CCDC178: variants seen among roughly 807,000 people sequenced by gnomAD.
The protein encoded by CCDC178 is coiled-coil domain containing 178, also known as coiled-coil domain-containing protein 178.
In CCDC178, 126 loss-of-function variants were observed where a neutral mutation model predicts 117.4. The ratio of observed to expected loss-of-function variants is 1.07; its 90% CI spans 0.93 to 1.24. CCDC178 has a LOEUF of 1.24. Among genes scored for constraint, CCDC178 ranks in the 50% most tolerant of loss-of-function variants. The probability of loss-of-function intolerance (pLI) is 0.00; values close to 1 mark genes in which losing one functional copy is unlikely to be tolerated. For missense variants in CCDC178, 1,030 were observed against 986.9 expected, an observed-to-expected ratio of 1.04 and a Z score of -0.59; for synonymous variants, 283 against 313.4, an observed-to-expected ratio of 0.90 and a Z score of 1.02.
At chr18:33,134,058 G>T (rs1483382285) in intron 20 of CCDC178, among the ~76,000 whole-genome samples, 1 of 151,556 alleles carries the variant, frequency 6.6e-6, no homozygotes, top group Non-Finnish European at 1.5e-5. Context: ...CAAAAGAAAA[G>T]AAAAAAATTT....
chr18:33,173,947 T>G (rs2058634125), intron 20 of CCDC178, among the ~76,000 whole-genome samples: 1 of 152,192 alleles, frequency 6.6e-6, no homozygotes, highest in African/African-American at 2.4e-5. Flanking sequence ...CAGAGAATAA[T>G]ATTAAGACAC....
chr18:33,101,107 A>C (rs1167685983), intron 20 of CCDC178, among the ~76,000 whole-genome samples: 2 of 151,804 alleles, frequency 1.3e-5, no homozygotes, highest in African/African-American at 2.4e-5. Context: ...GTATTAAATA[A>C]ACTTAAAATT....
chr18:33,317,376 C>T (rs1389393815), intron 11 of CCDC178, among the ~76,000 whole-genome samples: 2 of 152,150 alleles, frequency 1.3e-5, no homozygotes, highest in African/African-American at 4.8e-5. Context: ...AAGGAAGAAA[C>T]TCCGAACACA....
chr18:33,329,124 T>G (rs139308869), intron 10 of CCDC178, among the ~76,000 whole-genome samples: 134 of 152,248 alleles, frequency 8.8e-4, no homozygotes, highest in African/African-American at 3.2e-3. Flanking sequence ...ATAACTGAGC[T>G]TTGTGTGTTG....
chr18:33,213,502 G>A (rs2059130546), intron 19 of CCDC178, among the ~76,000 whole-genome samples: 1 of 151,928 alleles, frequency 6.6e-6, no homozygotes, highest in Non-Finnish European at 1.5e-5. Context: ...CACACAGGAA[G>A]GAGCTAGTGT....
rs963180337 is a variant in CCDC178 at position 33,147,141 on chromosome 18, C to CTT, written c.2239-54233_2239-54232dup. Among the ~76,000 whole-genome samples, 632 of 117,342 alleles carry CTT rather than the reference C, an allele frequency of 5.4e-3. 7 individuals carry two copies. Among genetic ancestry groups the CTT allele is most frequent in the African/African-American group, 0.018 (574 of 31,074 alleles). The allele number at this position is 117,342 out of a possible 152,430, so 77.0% of individuals were successfully genotyped here. ...TTAGGCATTATCTGGTAGCTGATTT[C>CTT]TTTTTTTTTTTTTTTTTTTGTAAGG... On this transcript the variant is annotated intron_variant, in intron 20 of 22. Transcript: ENST00000383096.
intron 9 of CCDC178, among the ~76,000 whole-genome samples, chr18:33,340,023 G>A (rs2062795432): frequency 6.6e-6 from 1 of 152,116 alleles, no homozygotes; most frequent in Admixed American, 6.6e-5. Context: ...CAGTTTGGAG[G>A]GCTCAGAAGA....
chr18:33,369,018 A>G (rs1176543845), intron 6 of CCDC178, among the ~76,000 whole-genome samples: 1 of 151,932 alleles, frequency 6.6e-6, no homozygotes, highest in Non-Finnish European at 1.5e-5. Flanking sequence ...CATAGCAACA[A>G]ATATTAATTT....
At chr18:33,059,908 T>C (rs2056895307) in intron 21 of CCDC178, among the ~76,000 whole-genome samples, 1 of 152,238 alleles carries the variant, frequency 6.6e-6, no homozygotes, top group Non-Finnish European at 1.5e-5. Flanking sequence ...TATAAGATTC[T>C]TCCTGATTTG....
At chr18:33,163,422 C>T (rs1598949375) in intron 20 of CCDC178, among the ~76,000 whole-genome samples, 1 of 151,982 alleles carries the variant, frequency 6.6e-6, no homozygotes, top group East Asian at 1.9e-4. Context: ...ATTTCTAAAG[C>T]AACAATGATA....
intron 2 of CCDC178, among the ~76,000 whole-genome samples, chr18:33,416,213 G>C (rs2063938317): frequency 6.6e-6 from 1 of 152,172 alleles, no homozygotes. Flanking sequence ...GGATCATGAG[G>C]CCAGGAGTTC....
chr18:32,947,026 C>T (rs574801169), intron 22 of CCDC178, among the ~76,000 whole-genome samples: 205 of 151,994 alleles, frequency 1.3e-3, no homozygotes, highest in African/African-American at 4.9e-3. Context: ...GTGATCCGCC[C>T]GCCTCGGCCT....
At chr18:33,221,228 C>A (rs2059230180) in intron 18 of CCDC178, among the ~76,000 whole-genome samples, 1 of 152,056 alleles carries the variant, frequency 6.6e-6, no homozygotes, top group South Asian at 2.1e-4. Flanking sequence ...CAGAAGACAA[C>A]AGCATTAAAC....
chr18:33,158,299 G>A (rs1407229165), intron 20 of CCDC178, among the ~76,000 whole-genome samples: 4 of 152,042 alleles, frequency 2.6e-5, no homozygotes, highest in Non-Finnish European at 5.9e-5. Context: ...AGAAAGCTAT[G>A]AAAATACTTG....
At chr18:33,396,336 C>T (rs576331249) in intron 4 of CCDC178, among the ~76,000 whole-genome samples, 9 of 152,132 alleles carry the variant, frequency 5.9e-5, no homozygotes, top group African/African-American at 2.2e-4. Flanking sequence ...CTGGAACATT[C>T]CTACACTGTT....
rs2059262451 is a variant in CCDC178, at chr18:33,223,369, T to A, written c.1819-150A>T. 4.5e-6 allele frequency: 4 copies of A among 890,042 alleles called. No homozygotes were observed. In the South Asian group the frequency reaches 1.2e-4, roughly 26 times the overall value. 55.1% of individuals were successfully genotyped at this position (890,042 alleles called of 1,614,324 possible). A position where few individuals can be genotyped will look rare whatever the true frequency, so the allele number is the denominator to read the frequency against. On this transcript the variant is annotated intron_variant, in intron 17 of 22. Transcript: ENST00000383096. Reference sequence around the variant, plus strand: ...AACCATCACACATAAATTACAGAAATATACTGTATATCCAAAAATTTCAAT... The same window carrying A: ...AACCATCACACATAAATTACAGAAAAATACTGTATATCCAAAAATTTCAAT...
intron 2 of CCDC178, among the ~76,000 whole-genome samples, chr18:33,436,788 A>G (rs1036652112): frequency 2.6e-5 from 4 of 151,688 alleles, no homozygotes; most frequent in African/African-American, 9.7e-5. Context: ...GAATATGTCT[A>G]TATGAAAAGC....
At chr18:33,248,215 C>G (rs61219734) in intron 14 of CCDC178, among the ~76,000 whole-genome samples, 10,240 of 151,796 alleles carry the variant, frequency 0.067, 514 homozygotes, top group African/African-American at 0.14. Context: ...TATTATTCAA[C>G]ATTGATGAGC....
chr18:33,361,428 T>G (rs2063126485), intron 6 of CCDC178, among the ~76,000 whole-genome samples: 1 of 151,482 alleles, frequency 6.6e-6, no homozygotes, highest in Non-Finnish European at 1.5e-5. Context: ...ACATTGGTCT[T>G]GACAACAACT....
Sources: gnomAD v4.1 joint callset for allele counts (sites outside exome capture counted in the v4.1 genomes callset) on GRCh38, gnomAD v4.1.1 for gene constraint, MANE v1.5 for transcripts, NCBI Gene and HGNC (gene_info 2026-07-23, HGNC 2026-07-21) for gene names.